Variants in SLC38A9 observed in about 807,000 individuals in gnomAD.
SLC38A9 encodes the protein solute carrier family 38 member 9, also known as neutral amino acid transporter 9.
Under a neutral mutation model 62.3 loss-of-function variants are expected in SLC38A9, and 48 were observed. The observed-to-expected ratio is 0.77, with a 90% CI of 0.61 to 0.98. The LOEUF is 0.98. Among genes scored for constraint, SLC38A9 ranks in the 50% least tolerant of loss-of-function variants. The probability of loss-of-function intolerance (pLI) is 0.00; values close to 1 mark genes in which losing one functional copy is unlikely to be tolerated. For missense variants in SLC38A9, 541 were observed against 679.8 expected, an observed-to-expected ratio of 0.80 and a Z score of 2.27; for synonymous variants, 204 against 227.7, an observed-to-expected ratio of 0.90 and a Z score of 0.94.
intron 15 of SLC38A9, 132 bp from the exon 16 acceptor site, chr5:55,626,791 T>G (rs1434822129): frequency 1.3e-6 from 1 of 774,816 alleles, no homozygotes; most frequent in African/African-American, 1.8e-5. Flanking sequence ...TCATTTGTTG[T>G]TGACATAAAA....
At chr5:55,661,699 A>C (rs539235498) in intron 8 of SLC38A9, among the ~76,000 whole-genome samples, 1 of 152,256 alleles carries the variant, frequency 6.6e-6, no homozygotes, top group African/African-American at 2.4e-5. Context: ...AAAAACACTA[A>C]TTTTAAAATA....
At chr5:55,695,052 C>T (rs1425886025) in intron 3 of SLC38A9, among the ~76,000 whole-genome samples, 1 of 152,016 alleles carries the variant, frequency 6.6e-6, no homozygotes, top group East Asian at 1.9e-4. Context: ...CGTGCGTGGC[C>T]CAAGAGCTCT....
intron 12 of SLC38A9, 82 bp from the exon 13 acceptor site, chr5:55,635,739 T>A: frequency 1.2e-6 from 1 of 856,552 alleles, no homozygotes; most frequent in Non-Finnish European, 1.9e-6. Context: ...GACTAACAAA[T>A]AAATATAAAA....
intron 12 of SLC38A9, 132 bp from the exon 13 acceptor site, chr5:55,635,789 G>A (rs1334831719): frequency 3.4e-6 from 2 of 594,986 alleles, no homozygotes; most frequent in Non-Finnish European, 5.9e-6. Context: ...TATACTTCTA[G>A]ATATTCAATT....
At chr5:55,697,665 A>AT (rs1293787603) in intron 3 of SLC38A9, among the ~76,000 whole-genome samples, 181 bp downstream of exon 3, 56 of 152,040 alleles carry the variant, frequency 3.7e-4, no homozygotes, top group African/African-American at 1.3e-3. Flanking sequence ...AAAAAAAAAA[A>AT]AAAAAAAAAA....
Position 55,687,222 on chromosome 5 carries a change from G to A in SLC38A9, c.113+10624C>T, listed in dbSNP as rs1754008511. Among the ~76,000 whole-genome samples the A allele has an allele frequency of 8.6e-5, 13 of 150,910 alleles. No individual in the cohort carries two copies. The South Asian group carries it at 2.7e-3, about 31-fold the overall frequency. The stretch of plus-strand genomic sequence containing the variant: ...TGGGAGGCCGAGGCGGGCGGATCAC[G>A]AGGTCAGGAGATCGAGACCACGGTG... On this transcript the variant is annotated intron_variant, in intron 3 of 15. Coordinates refer to ENST00000396865, the MANE Select transcript of SLC38A9 (RefSeq NM_173514.4).
chr5:55,701,446 C>T (rs112342052), intron 2 of SLC38A9, among the ~76,000 whole-genome samples: 4,415 of 152,306 alleles, frequency 0.029, 81 homozygotes, highest in African/African-American at 0.045. Context: ...ACTTCTTTTT[C>T]TCACAGTCCA....
chr5:55,651,092 A>T (rs537742186), intron 10 of SLC38A9, among the ~76,000 whole-genome samples: 2 of 151,422 alleles, frequency 1.3e-5, no homozygotes, highest in Admixed American at 1.3e-4. Flanking sequence ...CACCCAGCCT[A>T]TCTATTTTAT....
rs1745017095 is a variant in SLC38A9, at chr5:55,639,300, G to GAA, written c.1168-3645_1168-3644dup. ...AAAAAAAAAAAAAAAAAAAAGAATA[G>GAA]AAATGATATCCCATTTACACATATA... is the stretch of plus-strand genomic sequence containing the variant. On this transcript the variant is annotated intron_variant, in intron 12 of 15. Coordinates refer to ENST00000396865, the MANE Select transcript of SLC38A9 (RefSeq NM_173514.4). Among the ~76,000 whole-genome samples the GAA allele has an allele frequency of 2.2e-5, 3 of 136,368 alleles. No individual in the cohort carries two copies. The East Asian group carries it at 6.5e-4, about 29-fold the overall frequency. The allele number at this position is 136,368 out of a possible 152,430, so 89.5% of individuals were successfully genotyped here.
In SLC38A9 at chr5:55,626,644, T is replaced by C. The variant is rs754616893; in HGVS notation, c.1536A>G (p.Ala512=). ...ATATGAATACAAAGGCCAGTCCACA[T>C]GCTGCTCCTGAATATCTGCAAAATA... ...IGGIIRYSGA[A]CGLAFVFIYP... Residue 512 remains alanine, a synonymous_variant, in exon 16 of 16, where the codon GCA becomes GCG. Coordinates refer to ENST00000396865, the MANE Select transcript of SLC38A9 (RefSeq NM_173514.4). 3 of 1,603,296 alleles carry C rather than the reference T, an allele frequency of 1.9e-6. No homozygotes were observed. Among genetic ancestry groups the C allele is most frequent in the East Asian group, 2.2e-5 (1 of 44,816 alleles).
chr5:55,694,633 C>T (rs1266505906), intron 3 of SLC38A9, among the ~76,000 whole-genome samples: 1 of 152,012 alleles, frequency 6.6e-6, no homozygotes, highest in East Asian at 1.9e-4. Context: ...TATAATTGCA[C>T]AAGAAATATA....
At chr5:55,711,036 T>A (rs531555961) in intron 2 of SLC38A9, among the ~76,000 whole-genome samples, 1 of 150,998 alleles carries the variant, frequency 6.6e-6, no homozygotes, top group African/African-American at 2.4e-5. Flanking sequence ...CCCACGCCTG[T>A]AATCCCAGCA....
intron 3 of SLC38A9, among the ~76,000 whole-genome samples, chr5:55,674,158 C>T (rs1751757934): frequency 6.6e-6 from 1 of 152,182 alleles, no homozygotes; most frequent in Non-Finnish European, 1.5e-5. Context: ...CATACAGAAT[C>T]TTTGAATCTT....
chr5:55,697,357 A>G (rs1756026300), intron 3 of SLC38A9: 1 of 152,406 alleles, frequency 6.6e-6, no homozygotes, highest in South Asian at 2.1e-4. Context: ...CTGTTTTGTA[A>G]GCAGCTACTT....
Position 55,689,695 on chromosome 5 carries a change from G to A in SLC38A9, c.113+8151C>T, listed in dbSNP as rs9715980. On this transcript the variant is annotated intron_variant, in intron 3 of 15. Transcript: ENST00000396865. ...CTAACGAGTACCAGTCAAACCCAAC[G>A]AGGCTCCCTCTTTCTTCAGGCTTCT... Among the ~76,000 whole-genome samples, 9 of 152,008 alleles carry A rather than the reference G, an allele frequency of 5.9e-5. No individual in the cohort carries two copies. The East Asian group carries it at 1.2e-3, about 20-fold the overall frequency.
At position 55,649,339 on chromosome 5, in the gene SLC38A9, A is replaced by G. The variant is rs1580158535; in HGVS notation, c.953-25T>C. On this transcript the variant is annotated intron_variant, in intron 10 of 15. Coordinates refer to ENST00000396865, the MANE Select transcript of SLC38A9 (RefSeq NM_173514.4). The stretch of plus-strand genomic sequence containing the variant: ...CCTGTGAGGAAAAAATTCAGAAACC[A>G]TTTATTATCTTTGTGTGTTTTACAG... The G allele has an allele frequency of 2.2e-6, 3 of 1,342,054 alleles. 1 individual carries two copies. The highest frequency in any genetic ancestry group is 3.0e-5 in the African/African-American group (2 of 67,652). The allele number at this position is 1,342,054 out of a possible 1,614,324, so 83.1% of individuals were successfully genotyped here.
intron 3 of SLC38A9, among the ~76,000 whole-genome samples, chr5:55,687,785 G>C (rs1245490589): frequency 2.0e-5 from 3 of 151,996 alleles, no homozygotes; most frequent in Non-Finnish European, 4.4e-5. Context: ...TGCAACCTCC[G>C]CCTCTTGGGT....
chr5:55,690,552 A>C (rs560768472), intron 3 of SLC38A9, among the ~76,000 whole-genome samples: 1 of 152,208 alleles, frequency 6.6e-6, no homozygotes, highest in Admixed American at 6.5e-5. Context: ...ACTGATGTCA[A>C]GTTCCTCAAA....
chr5:55,664,763 G>A lies in SLC38A9; in HGVS notation c.627C>T (p.Leu209=). The A allele has an allele frequency of 6.3e-7, 1 of 1,595,902 alleles. No homozygotes were observed. The highest frequency in any genetic ancestry group is 8.5e-7 in the Non-Finnish European group (1 of 1,173,452). The part of the protein sequence containing the change: ...WSSLLFSLVS[L]IGAMIVYWVL... ...CCCAATAAACTATCATTGCTCCAAT[G>A]AGAGACACCAAGGAGAAAAGGAGAC... The change falls in exon 8 of 16, where the codon CTC becomes CTT. Residue 209 remains leucine (L), a synonymous_variant. Transcript: ENST00000396865.
Sources: gnomAD v4.1 joint callset for allele counts (sites outside exome capture counted in the v4.1 genomes callset) on GRCh38, gnomAD v4.1.1 for gene constraint, MANE v1.5 for transcripts, NCBI Gene and HGNC (gene_info 2026-07-23, HGNC 2026-07-21) for gene names.